MYOM2: variants seen among roughly 807,000 people sequenced by gnomAD.
MYOM2 encodes myomesin 2.
Under a neutral mutation model 187.6 loss-of-function variants are expected in MYOM2, and 254 were observed. The ratio of observed to expected loss-of-function variants is 1.35; its 90% CI spans 1.22 to 1.50. MYOM2 has a LOEUF of 1.50. Among genes scored for constraint, MYOM2 ranks in the 40% most tolerant of loss-of-function variants. The pLI is 0.00. For missense variants in MYOM2, 2,796 were observed against 1,924.0 expected, an observed-to-expected ratio of 1.45 and a Z score of -8.48; for synonymous variants, 981 against 753.8, an observed-to-expected ratio of 1.30 and a Z score of -4.94.
chr8:2,116,463 G>A (rs1797248605), intron 27 of MYOM2, among the ~76,000 whole-genome samples, 188 bp downstream of exon 27: 1 of 152,176 alleles, frequency 6.6e-6, no homozygotes, highest in Non-Finnish European at 1.5e-5. Flanking sequence ...GAAGAGGAAA[G>A]CGTGCCTCTA....
intron 18 of MYOM2, among the ~76,000 whole-genome samples, chr8:2,097,781 T>C (rs1446281646): frequency 1.3e-5 from 2 of 152,194 alleles, no homozygotes; most frequent in Non-Finnish European, 2.9e-5. Flanking sequence ...CCTCCCAAAG[T>C]GCGGGGATTA....
At position 2,095,513 on chromosome 8, in the gene MYOM2, A is replaced by G. The variant is rs553194052; in HGVS notation, c.2126-734A>G. The stretch of plus-strand genomic sequence containing the variant: ...TACTATGTTGCCCAGGCTGATCTCA[A>G]ACTCAGGAGCTTAAGCAATCCTCCT... On this transcript the variant is annotated intron_variant, in intron 17 of 36. Transcript: ENST00000262113. 2.7e-3 allele frequency among the ~76,000 whole-genome samples: 412 copies of G among 152,220 alleles called. 1 individual carries two copies. The highest frequency in any genetic ancestry group is 9.7e-3 in the African/African-American group (404 of 41,518).
At chr8:2,045,503 A>C (rs1283020862) in intron 1 of MYOM2, among the ~76,000 whole-genome samples, 9 of 152,244 alleles carry the variant, frequency 5.9e-5, no homozygotes, top group Non-Finnish European at 1.3e-4. Context: ...TGATGTCTGC[A>C]AGTTTCATGA....
At chr8:2,098,429 T>C (rs1009599739) in intron 18 of MYOM2, among the ~76,000 whole-genome samples, 10 of 152,120 alleles carry the variant, frequency 6.6e-5, no homozygotes, top group Admixed American at 1.3e-4. Flanking sequence ...GGGCTCCGTC[T>C]CCAGGGTGAC....
At chr8:2,091,309 G>C (rs951269837) in intron 15 of MYOM2, among the ~76,000 whole-genome samples, 1 of 152,154 alleles carries the variant, frequency 6.6e-6, no homozygotes, top group African/African-American at 2.4e-5. Context: ...CTCTCAAAAT[G>C]TTGGGATTCC....
At chr8:2,106,653 T>C in intron 23 of MYOM2, 56 bp downstream of exon 23, 2 of 1,265,088 alleles carry the variant, frequency 1.6e-6, no homozygotes, top group East Asian at 4.9e-5. Flanking sequence ...CTTTCAAAGA[T>C]TGACACCAAC....
At chr8:2,060,855 A>T (rs1293746656) in intron 6 of MYOM2, among the ~76,000 whole-genome samples, 1 of 152,052 alleles carries the variant, frequency 6.6e-6, no homozygotes, top group Non-Finnish European at 1.5e-5. Flanking sequence ...ACAGGGAGGG[A>T]TTCTTGCTCT....
intron 6 of MYOM2, among the ~76,000 whole-genome samples, chr8:2,063,604 G>T (rs1373584935): frequency 2.0e-5 from 3 of 152,098 alleles, no homozygotes; most frequent in African/African-American, 7.2e-5. Flanking sequence ...AGTGATTTTA[G>T]GGTGAAACGT....
At chr8:2,104,479 C>T (rs1239406401) in intron 21 of MYOM2, among the ~76,000 whole-genome samples, 2 of 151,998 alleles carry the variant, frequency 1.3e-5, no homozygotes, top group Non-Finnish European at 2.9e-5. Flanking sequence ...GTGTTGGGCG[C>T]CTGTAGTCCC....
chr8:2,063,524 GTATT>G (rs1187720368), intron 6 of MYOM2, among the ~76,000 whole-genome samples: 2 of 152,178 alleles, frequency 1.3e-5, no homozygotes, highest in African/African-American at 4.8e-5. Context: ...TTTTATGAAA[GTATT>G]TATAATAGAA....
chr8:2,085,484 C>A, intron 14 of MYOM2, 94 bp downstream of exon 14: 1 of 1,406,966 alleles, frequency 7.1e-7, no homozygotes, highest in Non-Finnish European at 9.5e-7. Flanking sequence ...GTGATCTCCG[C>A]GTGGCCCCTC....
intron 34 of MYOM2, among the ~76,000 whole-genome samples, chr8:2,141,446 G>T (rs1379298079): frequency 6.6e-6 from 1 of 152,242 alleles, no homozygotes; most frequent in East Asian, 1.9e-4. Context: ...AAAGAGAAAA[G>T]AAACACGCAA....
intron 8 of MYOM2, among the ~76,000 whole-genome samples, chr8:2,071,107 A>G (rs575826879): frequency 2.0e-5 from 3 of 152,162 alleles, no homozygotes; most frequent in African/African-American, 7.2e-5. Flanking sequence ...AGCTGGGACT[A>G]CAGGCGTGTG....
At chr8:2,052,491 CATT>C (rs1818525458) in intron 3 of MYOM2, among the ~76,000 whole-genome samples, 178 bp downstream of exon 3, 1 of 152,234 alleles carries the variant, frequency 6.6e-6, no homozygotes, top group Admixed American at 6.5e-5. Context: ...TCTTTACCAT[CATT>C]ATCTCAATTA....
chr8:2,124,120 A>G, intron 30 of MYOM2, 59 bp from the exon 31 acceptor site: 1 of 1,507,488 alleles, frequency 6.6e-7, no homozygotes, highest in Non-Finnish European at 9.1e-7. Context: ...AAACATTGAA[A>G]ATGCTGCTTT....
Position 2,097,709 on chromosome 8 carries a change from G to A in MYOM2, c.2314-1148G>A, listed in dbSNP as rs527634711. On this transcript the variant is annotated intron_variant, in intron 18 of 36. Transcript: ENST00000262113. ...TTTGTATTATTTCAGTAGAGACAGG[G>A]TTTCACCATGTTGCCCAGGTTGGTC... 4.6e-5 allele frequency among the ~76,000 whole-genome samples: 7 copies of A among 152,254 alleles called. No individual in the cohort carries two copies. In the East Asian group the frequency reaches 1.4e-3, roughly 29 times the overall value.
chr8:2,142,033 A>T (rs1475855183), intron 34 of MYOM2, among the ~76,000 whole-genome samples: 1 of 151,784 alleles, frequency 6.6e-6, no homozygotes, highest in Non-Finnish European at 1.5e-5. Context: ...AAACTGACAA[A>T]TTCCGAAAAT....
chr8:2,134,027 C>CCCCTTCCCCT (rs1797968861), intron 32 of MYOM2, among the ~76,000 whole-genome samples: 2 of 152,202 alleles, frequency 1.3e-5, no homozygotes, highest in Admixed American at 6.5e-5. Flanking sequence ...CCACCTCCAC[C>CCCCTTCCCCT]GTCTTCCCCT....
At position 2,145,100 on chromosome 8, in the gene MYOM2, C is replaced by T. The variant is rs1798417044; in HGVS notation, c.*119C>T. ...TGTCCTGTGTGGGCTGATAGTTGAT[C>T]ACACATTGTGCTTTTGATTTTTGCA... is the stretch of plus-strand genomic sequence containing the variant. On this transcript the variant is annotated 3_prime_UTR_variant, in exon 37 of 37. Coordinates refer to ENST00000262113, the MANE Select transcript of MYOM2 (RefSeq NM_003970.4). 9.2e-6 allele frequency: 10 copies of T among 1,089,960 alleles called. No homozygotes were observed. The highest frequency in any genetic ancestry group is 1.3e-5 in the Non-Finnish European group (10 of 755,250). The allele number at this position is 1,089,960 out of a possible 1,614,324, so 67.5% of individuals were successfully genotyped here.
Sources: gnomAD v4.1 joint callset for allele counts (sites outside exome capture counted in the v4.1 genomes callset) on GRCh38, gnomAD v4.1.1 for gene constraint, MANE v1.5 for transcripts, NCBI Gene and HGNC (gene_info 2026-07-23, HGNC 2026-07-21) for gene names.